Variants in FYB2 observed in about 807,000 individuals in gnomAD.
FYB2 encodes the protein FYN binding protein 2.
In FYB2, 103 loss-of-function variants were observed where a neutral mutation model predicts 94.1. The observed-to-expected ratio is 1.09, with a 90% CI of 0.93 to 1.29. The LOEUF is 1.29. Ranked by LOEUF, FYB2 falls within the 50% of genes most tolerant of loss-of-function variation. The pLI, the probability that FYB2 is intolerant of heterozygous loss-of-function variation, is 0.00. For synonymous variants in FYB2, 293 were observed against 287.9 expected (o/e 1.02, Z -0.18); for missense variants, 896 against 841.5 (o/e 1.06, Z -0.80).
intron 8 of FYB2, among the ~76,000 whole-genome samples, chr1:56,752,794 G>A (rs969855225): frequency 2.6e-5 from 4 of 152,074 alleles, no homozygotes; most frequent in East Asian, 1.9e-4. Context: ...TCTGGCTTAC[G>A]CCACATAGCC....
At chr1:56,730,450 T>G (rs1644683966) in intron 15 of FYB2, among the ~76,000 whole-genome samples, 2 of 150,308 alleles carry the variant, frequency 1.3e-5, no homozygotes, top group African/African-American at 2.4e-5. Context: ...GGATGGCAAG[T>G]TCAGGTAAAT....
At chr1:56,790,491 C>T (rs1269072996) in intron 2 of FYB2, among the ~76,000 whole-genome samples, 2 of 152,188 alleles carry the variant, frequency 1.3e-5, no homozygotes, top group Non-Finnish European at 2.9e-5. Flanking sequence ...GTAGCTCCAT[C>T]TGGTAGATAA....
intron 6 of FYB2, among the ~76,000 whole-genome samples, chr1:56,757,001 G>T (rs1182274340): frequency 1.3e-5 from 2 of 152,138 alleles, no homozygotes; most frequent in African/African-American, 4.8e-5. Context: ...TGTTGACTCA[G>T]TCCCTTATAG....
intron 1 of FYB2, among the ~76,000 whole-genome samples, chr1:56,814,218 C>A (rs374590498): frequency 3.9e-5 from 6 of 152,098 alleles, no homozygotes; most frequent in Non-Finnish European, 8.8e-5. Context: ...TGAGGAGGCT[C>A]GAGTTAGAGT....
At chr1:56,725,483 T>C (rs985082741) in intron 16 of FYB2, among the ~76,000 whole-genome samples, 1 of 152,056 alleles carries the variant, frequency 6.6e-6, no homozygotes, top group Non-Finnish European at 1.5e-5. Context: ...GAAAATTGTT[T>C]CCTAAGAAGA....
intron 4 of FYB2, among the ~76,000 whole-genome samples, chr1:56,771,792 A>G (rs1309384148): frequency 2.0e-5 from 3 of 152,160 alleles, no homozygotes; most frequent in African/African-American, 7.2e-5. Context: ...TTATATGTGT[A>G]TTCACATAGT....
intron 4 of FYB2, among the ~76,000 whole-genome samples, chr1:56,785,818 C>T (rs571161030): frequency 5.3e-5 from 8 of 152,312 alleles, no homozygotes; most frequent in South Asian, 2.1e-4. Context: ...GTTTCCTCTT[C>T]GGGGATAGGT....
intron 4 of FYB2, among the ~76,000 whole-genome samples, chr1:56,775,707 G>C (rs985259430): frequency 2.0e-5 from 3 of 152,114 alleles, no homozygotes; most frequent in Non-Finnish European, 4.4e-5. Context: ...GGGATGTACT[G>C]GTTGAAGTCA....
chr1:56,800,284 C>T (rs962982264), intron 1 of FYB2, among the ~76,000 whole-genome samples: 2 of 152,066 alleles, frequency 1.3e-5, no homozygotes, highest in African/African-American at 4.8e-5. Flanking sequence ...CCCTTCATGA[C>T]TAAAAGGGCT....
chr1:56,743,894 T>C, intron 11 of FYB2, 132 bp downstream of exon 11: 1 of 913,916 alleles, frequency 1.1e-6, no homozygotes, highest in Non-Finnish European at 1.6e-6. Context: ...TATCTTGGTA[T>C]TGCTTCTCTT....
In FYB2 at chr1:56,740,640, C is replaced by T. The variant is rs1644929562; in HGVS notation, c.1703+57G>A. 4.8e-6 allele frequency: 5 copies of T among 1,035,976 alleles called. No homozygotes were observed. The African/African-American group carries it at 6.5e-5, about 13-fold the overall frequency. The allele number at this position is 1,035,976 out of a possible 1,614,324, so 64.2% of individuals were successfully genotyped here. On this transcript the variant is annotated intron_variant, in intron 13 of 19. Coordinates refer to ENST00000343433, the MANE Select transcript of FYB2 (RefSeq NM_001004303.5). The stretch of plus-strand genomic sequence containing the variant: ...TCTGAGATTGGATGGAGAACATCAA[C>T]TTGTGTATCTACCAGGTTAATCCCC...
At position 56,818,384 on chromosome 1, in the gene FYB2, T is replaced by G. The variant is rs72668392; in HGVS notation, c.9+898A>C. On this transcript the variant is annotated intron_variant, in intron 1 of 19. Transcript: ENST00000343433. The stretch of plus-strand genomic sequence containing the variant: ...CTGCCCTGATTTAAAACCAAACTTG[T>G]GGGTGAGAAGCCACATGATTCATGG... 8.7e-3 allele frequency among the ~76,000 whole-genome samples: 1,320 copies of G among 151,590 alleles called. 12 individuals carry two copies. Among genetic ancestry groups the G allele is most frequent in the Admixed American group, 0.021 (320 of 15,210 alleles).
chr1:56,782,546 G>A (rs1646032835), intron 4 of FYB2, among the ~76,000 whole-genome samples: 1 of 151,874 alleles, frequency 6.6e-6, no homozygotes, highest in African/African-American at 2.4e-5. Context: ...TCTGCTTGGG[G>A]TAGAAACTGC....
intron 15 of FYB2, among the ~76,000 whole-genome samples, chr1:56,732,181 T>C (rs563552247): frequency 2.8e-4 from 42 of 152,176 alleles, no homozygotes; most frequent in African/African-American, 8.9e-4. Context: ...TTTCTATACA[T>C]GAACAATGAA....
chr1:56,817,325 T>TCCA (rs1357650461), intron 1 of FYB2, among the ~76,000 whole-genome samples: 1 of 152,222 alleles, frequency 6.6e-6, no homozygotes, highest in African/African-American at 2.4e-5. Flanking sequence ...CTCTAAGATA[T>TCCA]CCACACAGCC....
chr1:56,802,515 A>G (rs937014533), intron 1 of FYB2, among the ~76,000 whole-genome samples: 1 of 152,206 alleles, frequency 6.6e-6, no homozygotes, highest in East Asian at 1.9e-4. Flanking sequence ...AGGGCTATCA[A>G]GACATTTTAG....
At position 56,756,946 on chromosome 1, in the gene FYB2, C is replaced by A. The variant is rs1270062509; in HGVS notation, c.1099-1019G>T. 2.6e-5 allele frequency among the ~76,000 whole-genome samples: 4 copies of A among 152,044 alleles called. No individual in the cohort carries two copies. In the East Asian group the frequency reaches 5.8e-4, roughly 22 times the overall value. ...TAGTTTGGTGTGAAGGGAACTAGTTCTTCTGCAAAGGCTCAAGAGCATCTC... is the reference window on the plus strand; with the variant it reads ...TAGTTTGGTGTGAAGGGAACTAGTTATTCTGCAAAGGCTCAAGAGCATCTC... On this transcript the variant is annotated intron_variant, in intron 6 of 19. Coordinates refer to ENST00000343433, the MANE Select transcript of FYB2 (RefSeq NM_001004303.5).
chr1:56,811,119 C>G (rs948135505), intron 1 of FYB2, among the ~76,000 whole-genome samples: 5 of 152,050 alleles, frequency 3.3e-5, no homozygotes, highest in Non-Finnish European at 7.4e-5. Flanking sequence ...GGGGAGGGAC[C>G]GTCATCAGGC....
At chr1:56,750,918 A>T in intron 9 of FYB2, 126 bp downstream of exon 9, 1 of 1,128,318 alleles carries the variant, frequency 8.9e-7, no homozygotes, top group Non-Finnish European at 1.2e-6. Flanking sequence ...CTTCCTCACT[A>T]GGGCAAGTTG....
Sources: allele counts gnomAD v4.1 joint callset (sites outside exome capture counted in the v4.1 genomes callset), GRCh38; gene constraint gnomAD v4.1.1; transcripts MANE v1.5; gene names NCBI Gene and HGNC (gene_info 2026-07-23, HGNC 2026-07-21).